The following LRIG3 variants were observed in gnomAD, a reference collection of about 807,000 sequenced individuals.
The protein encoded by LRIG3 is leucine rich repeats and immunoglobulin like domains 3, also known as leucine-rich repeats and immunoglobulin-like domains protein 3.
In LRIG3, 76 loss-of-function variants were observed where a neutral mutation model predicts 114.5. The observed-to-expected ratio is 0.66, with a 90% CI of 0.55 to 0.80. The LOEUF is 0.80. Among genes scored for constraint, LRIG3 ranks in the 30% least tolerant of loss-of-function variants. LRIG3 has a pLI of 0.00. For missense variants in LRIG3, 1,239 were observed against 1,382.8 expected (o/e 0.90, Z 1.65); for synonymous variants, 512 against 519.8 (o/e 0.98, Z 0.20).
At chr12:58,882,538 T>C (rs1160412337) in intron 12 of LRIG3, among the ~76,000 whole-genome samples, 1 of 152,038 alleles carries the variant, frequency 6.6e-6, no homozygotes, top group Non-Finnish European at 1.5e-5. Flanking sequence ...GAAAGGAGAG[T>C]CCCCATTTCA....
At chr12:58,918,035 A>C (rs1176461806) in intron 1 of LRIG3, among the ~76,000 whole-genome samples, 1 of 152,196 alleles carries the variant, frequency 6.6e-6, no homozygotes, top group African/African-American at 2.4e-5. Flanking sequence ...ACAATAAAGA[A>C]TCCAGACCAC....
At position 58,884,511 on chromosome 12, in the gene LRIG3, G is replaced by A. The variant is rs191502929; in HGVS notation, c.1245-920C>T. On this transcript the variant is annotated intron_variant, in intron 10 of 18. Transcript: ENST00000320743. Reference sequence around the variant, plus strand: ...TACTCCACTGATCCACTAATTCCACGTTCCCAGAAACGGAATGGGCCAAAT... The same window carrying A: ...TACTCCACTGATCCACTAATTCCACATTCCCAGAAACGGAATGGGCCAAAT... Among the ~76,000 whole-genome samples the A allele has an allele frequency of 4.6e-5, 7 of 152,294 alleles. No homozygotes were observed. In the East Asian group the frequency reaches 5.8e-4, roughly 13 times the overall value.
intron 3 of LRIG3, among the ~76,000 whole-genome samples, chr12:58,893,806 C>G (rs1251648856): frequency 6.6e-6 from 1 of 152,196 alleles, no homozygotes; most frequent in African/African-American, 2.4e-5. Flanking sequence ...GTGCCCCTCT[C>G]TCTATCCCCT....
At chr12:58,908,133 G>C (rs1474126703) in intron 3 of LRIG3, among the ~76,000 whole-genome samples, 2 of 152,202 alleles carry the variant, frequency 1.3e-5, no homozygotes, top group East Asian at 3.8e-4. Context: ...ACAGAAGGAT[G>C]CATGATGTGA....
chr12:58,890,248 A>G, intron 4 of LRIG3, 109 bp from the exon 5 acceptor site: 1 of 1,155,830 alleles, frequency 8.7e-7, no homozygotes, highest in Non-Finnish European at 1.2e-6. Flanking sequence ...ATCAATGGAA[A>G]CTTAAAATAA....
At chr12:58,888,607 G>A in intron 6 of LRIG3, 135 bp from the exon 7 acceptor site, 1 of 1,287,120 alleles carries the variant, frequency 7.8e-7, no homozygotes, top group Non-Finnish European at 1.1e-6. Context: ...GAAGACGTCA[G>A]CAAAAAAATA....
At chr12:58,889,929 T>C in intron 5 of LRIG3, 67 bp downstream of exon 5, 1 of 1,551,972 alleles carries the variant, frequency 6.4e-7, no homozygotes, top group African/African-American at 1.4e-5. Context: ...CATTGTAGAT[T>C]TTAAGGAAAA....
At chr12:58,911,057 A>G (rs1159728994) in intron 3 of LRIG3, among the ~76,000 whole-genome samples, 1 of 152,232 alleles carries the variant, frequency 6.6e-6, no homozygotes, top group Admixed American at 6.5e-5. Context: ...TAAAAAACAT[A>G]CAAATCATGC....
chr12:58,908,663 G>A (rs764354213), intron 3 of LRIG3, among the ~76,000 whole-genome samples: 4 of 152,188 alleles, frequency 2.6e-5, no homozygotes, highest in Admixed American at 6.5e-5. Flanking sequence ...TTGAACACAA[G>A]TTATGTAAAA....
Position 58,914,342 on chromosome 12 carries a change from A to C in LRIG3, c.237-6T>G. ...ATCTGTTGTGACTTAAGTCCCTATA[A>C]GAAAACAAAAATAAAATTATAAGTC... On this transcript the variant is annotated splice_polypyrimidine_tract_variant and splice_region_variant and intron_variant, in intron 1 of 18. Coordinates refer to ENST00000320743, the MANE Select transcript of LRIG3 (RefSeq NM_153377.5). The C allele has an allele frequency of 6.2e-7, 1 of 1,607,534 alleles. No homozygotes were observed.
chr12:58,887,279 C>T (rs763715415), intron 8 of LRIG3, among the ~76,000 whole-genome samples: 30 of 152,084 alleles, frequency 2.0e-4, no homozygotes, highest in Non-Finnish European at 3.5e-4. Context: ...GCGAACAGAG[C>T]AAAAGTTTCT....
intron 1 of LRIG3, among the ~76,000 whole-genome samples, chr12:58,918,424 C>T (rs759644715): frequency 4.0e-5 from 6 of 151,880 alleles, no homozygotes; most frequent in Admixed American, 1.3e-4. Context: ...ACATCTAAAT[C>T]CAGGAAAAAA....
intron 3 of LRIG3, among the ~76,000 whole-genome samples, chr12:58,902,124 A>T (rs751113491): frequency 6.6e-6 from 1 of 152,204 alleles, no homozygotes; most frequent in Non-Finnish European, 1.5e-5. Context: ...TAAGAGAAAG[A>T]GAGATTTATA....
At position 58,889,013 on chromosome 12, in the gene LRIG3, G is replaced by A. The variant is rs191456400; in HGVS notation, c.660-51C>T. The A allele has an allele frequency of 5.2e-3, 8,145 of 1,561,780 alleles. 61 individuals carry two copies. The highest frequency in any genetic ancestry group is 0.015 in the South Asian group (1,305 of 85,170). On this transcript the variant is annotated intron_variant, in intron 5 of 18. Coordinates refer to ENST00000320743, the MANE Select transcript of LRIG3 (RefSeq NM_153377.5). ...CTTATATGACAATTAAATTCTGGAG[G>A]TAGTAATAAAATGTGTCATTACTAC...
At chr12:58,911,798 A>G (rs1413763528) in intron 3 of LRIG3, among the ~76,000 whole-genome samples, 2 of 152,256 alleles carry the variant, frequency 1.3e-5, no homozygotes, top group East Asian at 3.8e-4. Flanking sequence ...ATTGTATATT[A>G]CAATATCCAA....
intron 3 of LRIG3, among the ~76,000 whole-genome samples, chr12:58,911,360 C>T (rs963657757): frequency 1.3e-5 from 2 of 152,164 alleles, no homozygotes; most frequent in African/African-American, 4.8e-5. Context: ...GCAGCCCCTC[C>T]AGCTGGGAGG....
intron 3 of LRIG3, among the ~76,000 whole-genome samples, chr12:58,896,345 C>T (rs1871641763): frequency 6.6e-6 from 1 of 152,170 alleles, no homozygotes. Flanking sequence ...CCTTCATGCT[C>T]TCTTAAGTGG....
At chr12:58,877,287 T>A (rs1870953664) in intron 15 of LRIG3, 113 bp downstream of exon 15, 2 of 1,041,420 alleles carry the variant, frequency 1.9e-6, no homozygotes, top group Non-Finnish European at 2.8e-6. Context: ...TTGAAACAAA[T>A]GAGTCACCCT....
chr12:58,899,631 T>C (rs2120942734), intron 3 of LRIG3, among the ~76,000 whole-genome samples: 1 of 152,342 alleles, frequency 6.6e-6, no homozygotes, highest in East Asian at 1.9e-4. Flanking sequence ...TTGATGTTCC[T>C]TTCTCCTTCC....
Sources: gnomAD v4.1 joint callset for allele counts (sites outside exome capture counted in the v4.1 genomes callset) on GRCh38, gnomAD v4.1.1 for gene constraint, MANE v1.5 for transcripts, NCBI Gene and HGNC (gene_info 2026-07-23, HGNC 2026-07-21) for gene names.